The following SEMA6D variants were observed in gnomAD, a reference collection of about 807,000 sequenced individuals.
SEMA6D encodes the protein semaphorin 6D.
A neutral mutation model predicts 106.6 loss-of-function variants in SEMA6D; 35 were observed. That is an observed-to-expected ratio of 0.33 (90% CI 0.25 to 0.44). The LOEUF is 0.44. SEMA6D is among the 20% of genes least tolerant of loss of function. The pLI is 1.00. For missense variants in SEMA6D, 1,185 were observed against 1,345.9 expected (o/e 0.88, Z 1.87); for synonymous variants, 499 against 487.7 (o/e 1.02, Z -0.31).
At chr15:47,293,929 A>G (rs901526441) in intron 1 of SEMA6D, among the ~76,000 whole-genome samples, 16 of 152,196 alleles carry the variant, frequency 1.1e-4, no homozygotes, top group African/African-American at 3.6e-4. Flanking sequence ...TGTCAGTCCA[A>G]AAAATTTTTT....
chr15:47,620,378 A>G (rs1444830208), intron 4 of SEMA6D, among the ~76,000 whole-genome samples: 2 of 152,226 alleles, frequency 1.3e-5, no homozygotes, highest in African/African-American at 4.8e-5. Context: ...GAATGAGAGT[A>G]TCTGCTTCAG....
At chr15:47,233,163 A>G (rs1269702993) in intron 1 of SEMA6D, among the ~76,000 whole-genome samples, 1 of 151,948 alleles carries the variant, frequency 6.6e-6, no homozygotes, top group Non-Finnish European at 1.5e-5. Flanking sequence ...TTGCATGTGA[A>G]TATCCAGTTG....
At chr15:47,592,651 C>T (rs199801237) in intron 3 of SEMA6D, among the ~76,000 whole-genome samples, 1 of 152,174 alleles carries the variant, frequency 6.6e-6, no homozygotes, top group African/African-American at 2.4e-5. Flanking sequence ...TGTCAAATTG[C>T]ATCCTATGAA....
intron 1 of SEMA6D, among the ~76,000 whole-genome samples, chr15:47,187,146 A>C (rs1374785999): frequency 6.6e-6 from 1 of 152,198 alleles, no homozygotes; most frequent in East Asian, 1.9e-4. Flanking sequence ...GGGGGCATAG[A>C]AAATGAAGCA....
chr15:47,507,659 T>C (rs2044093104), intron 3 of SEMA6D, among the ~76,000 whole-genome samples: 1 of 152,216 alleles, frequency 6.6e-6, no homozygotes, highest in African/African-American at 2.4e-5. Flanking sequence ...GGCTGTTATA[T>C]TTAAGGTCCA....
chr15:47,543,263 G>A (rs1212269948), intron 3 of SEMA6D, among the ~76,000 whole-genome samples: 2 of 152,114 alleles, frequency 1.3e-5, no homozygotes, highest in African/African-American at 4.8e-5. Flanking sequence ...CTCACCCAAA[G>A]CTCACCTCGA....
chr15:47,551,664 T>C (rs547130063), intron 3 of SEMA6D, among the ~76,000 whole-genome samples: 116 of 143,802 alleles, frequency 8.1e-4, no homozygotes, highest in African/African-American at 3.0e-3. Flanking sequence ...AAGTCTAACA[T>C]CTGGGACTCT....
intron 4 of SEMA6D, among the ~76,000 whole-genome samples, chr15:47,659,950 C>T (rs1485686318): frequency 6.6e-6 from 1 of 151,862 alleles, no homozygotes; most frequent in Non-Finnish European, 1.5e-5. Flanking sequence ...TTAAGTGATA[C>T]ATATTAACTT....
chr15:47,657,715 A>ATTTATTT (rs1555404884), intron 4 of SEMA6D, among the ~76,000 whole-genome samples: 1 of 44,786 alleles, frequency 2.2e-5, no homozygotes, highest in African/African-American at 1.1e-4. Context: ...AGAGGGCTTC[A>ATTTATTT]TTTCTTTTTT....
At chr15:47,666,681 T>A (rs753970136) in intron 4 of SEMA6D, among the ~76,000 whole-genome samples, 1 of 152,202 alleles carries the variant, frequency 6.6e-6, no homozygotes, top group African/African-American at 2.4e-5. Flanking sequence ...GCTAAATTGC[T>A]CTCACTGTGA....
intron 1 of SEMA6D, chr15:47,396,305 T>TAG (rs2040212736): frequency 6.6e-6 from 1 of 150,892 alleles, no homozygotes; most frequent in Non-Finnish European, 1.5e-5. Context: ...ACAGAATAGA[T>TAG]ATATATATAT....
intron 3 of SEMA6D, among the ~76,000 whole-genome samples, chr15:47,471,754 A>C (rs184152991): frequency 1.3e-5 from 2 of 152,118 alleles, no homozygotes; most frequent in Non-Finnish European, 2.9e-5. Flanking sequence ...TTGATTTTTA[A>C]GTGTCTTCCT....
chr15:47,734,099 A>G (rs1363240492), intron 1 of SEMA6D, among the ~76,000 whole-genome samples: 1 of 152,206 alleles, frequency 6.6e-6, no homozygotes, highest in Non-Finnish European at 1.5e-5. Context: ...TTTTCAGATG[A>G]TGAATTTTAG....
intron 3 of SEMA6D, among the ~76,000 whole-genome samples, chr15:47,476,529 T>C (rs2043004803): frequency 6.6e-6 from 1 of 152,174 alleles, no homozygotes; most frequent in Non-Finnish European, 1.5e-5. Flanking sequence ...TAGAAATGGC[T>C]TAAAATTATG....
chr15:47,693,707 G>A (rs1162663447), intron 4 of SEMA6D, among the ~76,000 whole-genome samples: 1 of 152,106 alleles, frequency 6.6e-6, no homozygotes, highest in Non-Finnish European at 1.5e-5. Context: ...GGGCAAGGAG[G>A]GAGAATTGCT....
intron 1 of SEMA6D, among the ~76,000 whole-genome samples, chr15:47,403,637 G>A (rs765117671): frequency 1.8e-4 from 27 of 152,320 alleles, no homozygotes; most frequent in Non-Finnish European, 2.9e-4. Context: ...ACAGTTAACT[G>A]CACTCGAGTT....
intron 3 of SEMA6D, among the ~76,000 whole-genome samples, chr15:47,471,680 G>A (rs934534905): frequency 3.3e-5 from 5 of 152,062 alleles, no homozygotes; most frequent in African/African-American, 1.2e-4. Context: ...CATATTCCTT[G>A]GTATTTGAGC....
intron 3 of SEMA6D, among the ~76,000 whole-genome samples, chr15:47,555,695 C>A (rs1030400302): frequency 3.3e-5 from 5 of 152,008 alleles, no homozygotes; most frequent in African/African-American, 1.2e-4. Flanking sequence ...TCTAATAAGC[C>A]CCCCAAAGTT....
chr15:47,430,385 T>C (rs1039689918), intron 2 of SEMA6D, among the ~76,000 whole-genome samples: 4 of 152,078 alleles, frequency 2.6e-5, no homozygotes, highest in Middle Eastern at 3.2e-3. Flanking sequence ...GCCTTTTGTC[T>C]GTGATCATCC....
Sources: allele counts gnomAD v4.1 joint callset (sites outside exome capture counted in the v4.1 genomes callset), GRCh38; gene constraint gnomAD v4.1.1; transcripts MANE v1.5; gene names NCBI Gene and HGNC (gene_info 2026-07-23, HGNC 2026-07-21).